The following FOCAD variants were observed in gnomAD, a reference collection of about 807,000 sequenced individuals.
FOCAD encodes the protein focadhesin, also known as KIAA1797.
Under a neutral mutation model 225.6 loss-of-function variants are expected in FOCAD, and 198 were observed. The ratio of observed to expected loss-of-function variants is 0.88; its 90% CI spans 0.78 to 0.99. The LOEUF (loss-of-function observed/expected upper bound fraction) is 0.99, where lower values mean the gene tolerates loss of function less well. Among genes scored for constraint, FOCAD ranks in the 50% least tolerant of loss-of-function variants. FOCAD has a pLI of 0.00. For missense variants in FOCAD, 2,713 were observed against 2,123.6 expected (o/e 1.28, Z -5.46); for synonymous variants, 897 against 755.0 (o/e 1.19, Z -3.08).
chr9:20,677,802 C>T (rs969813199), intron 2 of FOCAD, among the ~76,000 whole-genome samples: 10 of 152,284 alleles, frequency 6.6e-5, no homozygotes, highest in African/African-American at 2.4e-4. Flanking sequence ...AAAAATAGAA[C>T]TATATCTGAT....
intron 2 of FOCAD, among the ~76,000 whole-genome samples, chr9:20,674,602 C>T (rs1395891647): frequency 2.6e-5 from 4 of 152,202 alleles, no homozygotes; most frequent in Non-Finnish European, 4.4e-5. Context: ...GCTGTGGTGC[C>T]ACTTTGGAAC....
chr9:20,923,666 T>C lies in FOCAD; in HGVS notation c.2859T>C (p.Ser953=). 4 of 1,613,502 alleles carry C rather than the reference T, an allele frequency of 2.5e-6. No individual in the cohort carries two copies. Among genetic ancestry groups the C allele is most frequent in the Non-Finnish European group, 3.4e-6 (4 of 1,179,670 alleles). The change falls in exon 25 of 44, where the codon AGT becomes AGC. Residue 953 remains serine, a synonymous_variant. Coordinates refer to ENST00000338382, the MANE Select transcript of FOCAD (RefSeq NM_001375567.1). ...DEITKAAAKE[S]PVVKGNALLA... ...TTTTTTTCCTTTTGAACAGGGAGAG[T>C]CCGGTAGTGAAAGGCAATGCGCTGT...
At chr9:20,677,385 C>T (rs930872323) in intron 2 of FOCAD, among the ~76,000 whole-genome samples, 4 of 151,978 alleles carry the variant, frequency 2.6e-5, no homozygotes, top group African/African-American at 9.7e-5. Context: ...TTGCATCAAA[C>T]CAAAAAGCTT....
chr9:20,799,806 G>C (rs1821584072), intron 11 of FOCAD, among the ~76,000 whole-genome samples: 1 of 152,080 alleles, frequency 6.6e-6, no homozygotes, highest in African/African-American at 2.4e-5. Context: ...TATCCAATTT[G>C]CCACTCTGTG....
intron 18 of FOCAD, 57 bp downstream of exon 18, chr9:20,867,069 TTC>T: frequency 2.6e-6 from 3 of 1,151,182 alleles, no homozygotes; most frequent in Middle Eastern, 2.0e-4. Flanking sequence ...TTACAACTTT[TTC>T]TCTCTCATCT....
chr9:20,957,785 A>G lies in FOCAD; in HGVS notation c.4132+4720A>G, dbSNP rs892849120. On this transcript the variant is annotated intron_variant, in intron 35 of 43. Coordinates refer to ENST00000338382, the MANE Select transcript of FOCAD (RefSeq NM_001375567.1). ...TGCCCTCCTCTGCCTCCCAAAGTGG[A>G]TTACAGGTATGCACCACCATACCTG... Among the ~76,000 whole-genome samples, 10 of 138,562 alleles carry G rather than the reference A, an allele frequency of 7.2e-5. No individual in the cohort carries two copies. The East Asian group carries it at 1.7e-3, about 24-fold the overall frequency. The allele number at this position is 138,562 out of a possible 152,430, so 90.9% of individuals were successfully genotyped here. A position where few individuals can be genotyped will look rare whatever the true frequency, so the allele number is the denominator to read the frequency against.
At chr9:20,813,945 T>C (rs987936506) in intron 11 of FOCAD, among the ~76,000 whole-genome samples, 2 of 152,218 alleles carry the variant, frequency 1.3e-5, no homozygotes, top group East Asian at 3.8e-4. Context: ...CGTATTGTCC[T>C]GGTGAATTGA....
chr9:20,810,256 C>G (rs1007643025), intron 11 of FOCAD, among the ~76,000 whole-genome samples: 1 of 152,014 alleles, frequency 6.6e-6, no homozygotes, highest in Non-Finnish European at 1.5e-5. Context: ...TATTAAACCC[C>G]AAAATATTGA....
Position 20,923,700 on chromosome 9 carries a change from A to T in FOCAD, c.2893A>T (p.Ser965Cys). The T allele has an allele frequency of 6.2e-7, 1 of 1,614,132 alleles. No individual in the cohort carries two copies. Among genetic ancestry groups the T allele is most frequent in the Non-Finnish European group, 8.5e-7 (1 of 1,179,988 alleles). The stretch of plus-strand genomic sequence containing the variant: ...GAAAGGCAATGCGCTGTTAGCTCTA[A>T]GCAGCCTTGCTGTCGTCGTATCTAG... ...VVKGNALLAL[S>C]SLAVVVSRHE... The change falls in exon 25 of 44, where the codon AGC becomes TGC. Residue 965 changes from serine to cysteine, a missense_variant. Physicochemically the swap from Ser to Cys is moderately radical, Grantham distance 112. Coordinates refer to ENST00000338382, the MANE Select transcript of FOCAD (RefSeq NM_001375567.1).
chr9:20,672,007 G>T, intron 2 of FOCAD, among the ~76,000 whole-genome samples: 1 of 150,378 alleles, frequency 6.6e-6, no homozygotes. Flanking sequence ...CCTCCCTGGA[G>T]AGCCTGTTTA....
At chr9:20,930,949 A>G (rs1207330275) in intron 27 of FOCAD, among the ~76,000 whole-genome samples, 3 of 152,138 alleles carry the variant, frequency 2.0e-5, no homozygotes, top group East Asian at 3.8e-4. Flanking sequence ...CAGTCTCTCC[A>G]CCATCTGTGT....
intron 1 of FOCAD, among the ~76,000 whole-genome samples, chr9:20,714,395 A>G (rs889271366): frequency 6.6e-6 from 1 of 152,134 alleles, no homozygotes; most frequent in Non-Finnish European, 1.5e-5. Context: ...TCTGCTTGTT[A>G]TAAGTTAATC....
At chr9:20,693,305 T>C (rs1007202081) in intron 1 of FOCAD, among the ~76,000 whole-genome samples, 1 of 152,244 alleles carries the variant, frequency 6.6e-6, no homozygotes, top group African/African-American at 2.4e-5. Context: ...ACTGCTCTTT[T>C]ACTCCCCTTC....
At chr9:20,688,978 G>T (rs1345538389) in intron 1 of FOCAD, among the ~76,000 whole-genome samples, 2 of 152,202 alleles carry the variant, frequency 1.3e-5, no homozygotes, top group African/African-American at 4.8e-5. Flanking sequence ...GATTGCAAAG[G>T]AGTTGAAACT....
intron 9 of FOCAD, among the ~76,000 whole-genome samples, chr9:20,779,698 C>A (rs571784958): frequency 2.6e-5 from 4 of 151,324 alleles, no homozygotes; most frequent in African/African-American, 9.7e-5. Context: ...TGTAGTGAGC[C>A]GAGATCGCGC....
At chr9:20,671,230 A>G (rs1359529813) in intron 2 of FOCAD, among the ~76,000 whole-genome samples, 7 of 152,212 alleles carry the variant, frequency 4.6e-5, no homozygotes, top group African/African-American at 9.7e-5. Context: ...ATAAAATTAC[A>G]TAGATACAAA....
chr9:20,797,497 C>G (rs1043717048), intron 11 of FOCAD, among the ~76,000 whole-genome samples: 5 of 152,046 alleles, frequency 3.3e-5, no homozygotes, highest in Non-Finnish European at 7.4e-5. Context: ...TTTCCTTGAG[C>G]AGTGGTTTGT....
intron 6 of FOCAD, 97 bp downstream of exon 6, chr9:20,758,288 T>A: frequency 1.3e-6 from 1 of 764,792 alleles, no homozygotes; most frequent in Non-Finnish European, 2.0e-6. Context: ...TGTTTCTTTT[T>A]AGCTGCTTTG....
rs1389120440 is a variant in FOCAD, at chr9:20,764,888, C to T, written c.514C>T (p.Gln172Ter). Residue 172 changes from glutamine to a stop codon, truncating the protein, a stop_gained, in exon 7 of 44, where the codon CAA becomes TAA. Coordinates refer to ENST00000338382, the MANE Select transcript of FOCAD (RefSeq NM_001375567.1). LOFTEE classifies it high-confidence loss of function. ...CPERLEVSCIQIMAPFLWYLY... is the reference protein window; with the variant it reads ...CPERLEVSCI ...TTATAGGTTAGAAGTTTCATGCATTCAAATAATGGCACCATTTCTGTGGTA... is the reference window on the plus strand; with the variant it reads ...TTATAGGTTAGAAGTTTCATGCATTTAAATAATGGCACCATTTCTGTGGTA... 6.2e-7 allele frequency: 1 copy of T among 1,613,682 alleles called. No individual in the cohort carries two copies. The highest frequency in any genetic ancestry group is 8.5e-7 in the Non-Finnish European group (1 of 1,179,866).
Sources: gnomAD v4.1 joint callset for allele counts (sites outside exome capture counted in the v4.1 genomes callset) on GRCh38, gnomAD v4.1.1 for gene constraint, MANE v1.5 for transcripts, NCBI Gene and HGNC (gene_info 2026-07-23, HGNC 2026-07-21) for gene names.